The following DMD variants were observed in gnomAD, a reference collection of about 807,000 sequenced individuals.
The protein encoded by DMD is dystrophin.
DMD carries 63 observed loss-of-function variants against 330.1 expected under a neutral mutation model. That is an observed-to-expected ratio of 0.19 (90% CI 0.16 to 0.24). The LOEUF is 0.24. Among genes scored for constraint, DMD ranks in the 10% least tolerant of loss-of-function variants. The pLI is 1.00. For synonymous variants in DMD, 1,223 were observed against 959.8 expected (o/e 1.27, Z -5.07); for missense variants, 3,344 against 2,684.1 (o/e 1.25, Z -5.43).
At chrX:31,173,123 T>C (rs1345261049) in intron 72 of DMD, among the ~76,000 whole-genome samples, 1 of 111,985 alleles carries the variant, frequency 8.9e-6, no homozygotes, top group African/African-American at 3.2e-5. Context: ...AATTATTCTC[T>C]TCTTTACAGC....
At chrX:31,601,100 C>T (rs1005997627) in intron 55 of DMD, among the ~76,000 whole-genome samples, 12 of 111,704 alleles carry the variant, frequency 1.1e-4, no homozygotes, top group African/African-American at 2.6e-4. Context: ...AGAGTTATTG[C>T]GGTACTATGT....
intron 44 of DMD, among the ~76,000 whole-genome samples, chrX:32,133,688 C>T (rs1255816382): frequency 9.0e-6 from 1 of 111,386 alleles, no homozygotes; most frequent in Non-Finnish European, 1.9e-5. Context: ...ATTTTTCTCC[C>T]ATGCCCCTTA....
chrX:32,665,808 G>C (rs991070066), intron 9 of DMD, among the ~76,000 whole-genome samples: 2 of 112,051 alleles, frequency 1.8e-5, no homozygotes, highest in African/African-American at 6.5e-5. Context: ...TACACTCAGC[G>C]TTGTTTCATC....
chrX:32,553,903 G>T (rs920886737), intron 16 of DMD, among the ~76,000 whole-genome samples: 1 of 111,407 alleles, frequency 9.0e-6, no homozygotes, highest in South Asian at 3.7e-4. Context: ...GGCAACCCTT[G>T]CCAGATCGTG....
chrX:31,728,178 A>T (rs1430572176), intron 52 of DMD, among the ~76,000 whole-genome samples: 1 of 110,059 alleles, frequency 9.1e-6, no homozygotes, highest in Non-Finnish European at 1.9e-5. Context: ...GCCCGCCACC[A>T]CGCCCGGCTA....
intron 44 of DMD, among the ~76,000 whole-genome samples, chrX:32,163,910 A>G (rs1282467756): frequency 9.0e-6 from 1 of 111,524 alleles, no homozygotes; most frequent in Non-Finnish European, 1.9e-5. Flanking sequence ...CAAAATAACA[A>G]GTTTGAAAAA....
rs115970897 is a variant in DMD, at chrX:31,832,720, G to C, written c.7200+3998C>G. ...CATTTTTTGATAATATAAAAAGTTA[G>C]CAAAGCAAACCAGCTGGCTTCATTT... On this transcript the variant is annotated intron_variant, in intron 49 of 78. Transcript: ENST00000357033. Among the ~76,000 whole-genome samples the C allele has an allele frequency of 5.1e-3, 572 of 112,316 alleles. 4 individuals carry two copies. The highest frequency in any genetic ancestry group is 0.018 in the African/African-American group (544 of 30,985).
At chrX:32,439,967 T>A (rs2098275449) in intron 28 of DMD, among the ~76,000 whole-genome samples, 1 of 111,127 alleles carries the variant, frequency 9.0e-6, no homozygotes, top group Admixed American at 9.7e-5. Flanking sequence ...TTCTAAATGC[T>A]CTTCATTATG....
At chrX:32,007,978 T>A (rs1381685296) in intron 44 of DMD, among the ~76,000 whole-genome samples, 3 of 111,329 alleles carry the variant, frequency 2.7e-5, no homozygotes, top group Non-Finnish European at 3.8e-5. Context: ...TATTTTGGCA[T>A]ATATGTAAGA....
intron 6 of DMD, among the ~76,000 whole-genome samples, 166 bp from the exon 7 acceptor site, chrX:32,809,777 G>T (rs1205750444): frequency 1.8e-5 from 2 of 109,564 alleles, no homozygotes; most frequent in Admixed American, 9.9e-5. Context: ...ATTTAAACAA[G>T]TAATAATTTT....
At chrX:31,853,256 A>G (rs3859978) in intron 48 of DMD, among the ~76,000 whole-genome samples, 24,060 of 111,994 alleles carry the variant, frequency 0.21, 2,362 homozygotes, top group African/African-American at 0.39. Flanking sequence ...AATATTTTAG[A>G]CTTTGTGGGC....
chrX:33,165,441 T>C (rs2049002773), intron 1 of DMD, among the ~76,000 whole-genome samples: 1 of 111,747 alleles, frequency 8.9e-6, no homozygotes, highest in South Asian at 3.7e-4. Flanking sequence ...AGTATCACGC[T>C]ATCCTTCTTG....
chrX:32,045,690 A>T (rs1466144189), intron 44 of DMD, among the ~76,000 whole-genome samples: 3 of 112,038 alleles, frequency 2.7e-5, no homozygotes, highest in Non-Finnish European at 5.6e-5. Flanking sequence ...TCTTTGCTTC[A>T]AAAATTCAAA....
intron 59 of DMD, among the ~76,000 whole-genome samples, chrX:31,457,421 A>G (rs1056213376): frequency 3.6e-5 from 4 of 111,846 alleles, no homozygotes; most frequent in African/African-American, 1.3e-4. Flanking sequence ...CTGGAAATAC[A>G]GCGTAAGATA....
intron 51 of DMD, among the ~76,000 whole-genome samples, chrX:31,758,827 G>T (rs954185445): frequency 5.4e-5 from 6 of 111,811 alleles, no homozygotes; most frequent in African/African-American, 1.9e-4. Flanking sequence ...TATGATTTCA[G>T]CGCAAAGTTA....
chrX:31,261,194 C>G, intron 62 of DMD, 178 bp from the exon 63 acceptor site: 1 of 437,418 alleles, frequency 2.3e-6, no homozygotes, highest in Admixed American at 3.8e-5. Context: ...GCAGAAAGGC[C>G]CCTTTCTGCT....
At chrX:32,793,697 T>C (rs1049683828) in intron 7 of DMD, among the ~76,000 whole-genome samples, 4 of 111,696 alleles carry the variant, frequency 3.6e-5, no homozygotes, top group African/African-American at 1.3e-4. Flanking sequence ...CAACCAACCG[T>C]GGATCAAGAA....
At chrX:31,952,287 C>A in intron 45 of DMD, among the ~76,000 whole-genome samples, 1 of 111,362 alleles carries the variant, frequency 9.0e-6, no homozygotes, top group East Asian at 2.8e-4. Flanking sequence ...AATTTTTCTG[C>A]CTCTTTAACA....
At chrX:32,979,829 T>C (rs16990789) in intron 2 of DMD, among the ~76,000 whole-genome samples, 3,604 of 110,997 alleles carry the variant, frequency 0.032, 157 homozygotes, top group African/African-American at 0.11. Context: ...AAACATTAAG[T>C]TGTGGCCTAA....
Sources: allele counts gnomAD v4.1 joint callset (sites outside exome capture counted in the v4.1 genomes callset), GRCh38; gene constraint gnomAD v4.1.1; transcripts MANE v1.5; gene names NCBI Gene and HGNC (gene_info 2026-07-23, HGNC 2026-07-21).